Variants in RBFOX1 observed in about 807,000 individuals in gnomAD.
The protein encoded by RBFOX1 is RNA binding protein fox-1 homolog 1.
A neutral mutation model predicts 57.7 loss-of-function variants in RBFOX1; 8 were observed. That is an observed-to-expected ratio of 0.14 (90% CI 0.08 to 0.25). The LOEUF is 0.25. Among genes scored for constraint, RBFOX1 ranks in the 10% least tolerant of loss-of-function variants. The probability of loss-of-function intolerance (pLI) is 1.00; values close to 1 mark genes in which losing one functional copy is unlikely to be tolerated. For missense variants in RBFOX1, 611 were observed against 548.5 expected (o/e 1.11, Z -1.14); for synonymous variants, 326 against 222.4 (o/e 1.47, Z -4.15).
intron 3 of RBFOX1, among the ~76,000 whole-genome samples, chr16:6,983,008 A>AAG (rs2089343724): frequency 6.6e-6 from 1 of 151,108 alleles, no homozygotes; most frequent in Admixed American, 6.6e-5. Context: ...AAAAAAAAAA[A>AAG]AAAAAAAAAG....
intron 3 of RBFOX1, among the ~76,000 whole-genome samples, chr16:7,021,660 C>T (rs2039154271): frequency 6.8e-6 from 1 of 147,378 alleles, no homozygotes; most frequent in African/African-American, 2.5e-5. Flanking sequence ...ATTTTTATTT[C>T]CCTCAGCCTA....
chr16:7,056,145 C>T (rs950379074), intron 4 of RBFOX1, among the ~76,000 whole-genome samples: 1 of 152,112 alleles, frequency 6.6e-6, no homozygotes, highest in African/African-American at 2.4e-5. Flanking sequence ...CAGCTCAGCC[C>T]ACAGATGCTG....
At position 7,267,831 on chromosome 16, in the gene RBFOX1, G is replaced by T. The variant is rs555885139; in HGVS notation, c.27+215733G>T. 7.9e-5 allele frequency among the ~76,000 whole-genome samples: 12 copies of T among 152,290 alleles called. No homozygotes were observed. In the East Asian group the frequency reaches 1.5e-3, roughly 20 times the overall value. The stretch of plus-strand genomic sequence containing the variant: ...AGATTGTGCCACTGCACTCCAGCCG[G>T]GGCAACAGAGTGAGACCCTGTCTCA... On this transcript the variant is annotated intron_variant, in intron 4 of 15. Transcript: ENST00000550418.
intron 1 of RBFOX1, among the ~76,000 whole-genome samples, chr16:6,230,718 C>T (rs951957707): frequency 2.6e-5 from 4 of 152,118 alleles, no homozygotes; most frequent in South Asian, 2.1e-4. Flanking sequence ...ATATCTTATG[C>T]GGATAGCTTA....
chr16:7,479,375 C>G (rs976289687), intron 4 of RBFOX1, among the ~76,000 whole-genome samples: 1 of 152,148 alleles, frequency 6.6e-6, no homozygotes, highest in Non-Finnish European at 1.5e-5. Flanking sequence ...AGTGTATCCT[C>G]TGGCTTGGCC....
intron 1 of RBFOX1, among the ~76,000 whole-genome samples, chr16:6,210,051 C>T (rs905118467): frequency 6.6e-6 from 1 of 151,888 alleles, no homozygotes; most frequent in Non-Finnish European, 1.5e-5. Flanking sequence ...GGCATGATGG[C>T]TCATGCCTGT....
intron 1 of RBFOX1, among the ~76,000 whole-genome samples, chr16:5,298,307 CAA>C (rs2063717317): frequency 6.6e-6 from 1 of 152,158 alleles, no homozygotes; most frequent in African/African-American, 2.4e-5. Context: ...AGAGGTGTAA[CAA>C]GAGACTGTAT....
intron 4 of RBFOX1, among the ~76,000 whole-genome samples, chr16:7,120,777 C>T (rs1239594384): frequency 6.9e-6 from 1 of 144,156 alleles, no homozygotes; most frequent in Non-Finnish European, 1.5e-5. Context: ...ATGAGTCTAA[C>T]ATTAATCTGA....
At chr16:6,266,075 G>C (rs768094726) in intron 1 of RBFOX1, among the ~76,000 whole-genome samples, 2 of 152,130 alleles carry the variant, frequency 1.3e-5, no homozygotes, top group Non-Finnish European at 2.9e-5. Flanking sequence ...CTAATGAAAC[G>C]TGGGGGAAGT....
intron 1 of RBFOX1, among the ~76,000 whole-genome samples, chr16:5,361,439 C>G (rs558327015): frequency 6.6e-6 from 1 of 152,248 alleles, no homozygotes; most frequent in South Asian, 2.1e-4. Context: ...CATTTTATTT[C>G]TCTTGTAAAA....
chr16:5,531,834 C>A (rs1268199737), intron 2 of RBFOX1, among the ~76,000 whole-genome samples: 4 of 147,288 alleles, frequency 2.7e-5, no homozygotes, highest in African/African-American at 1.0e-4. Flanking sequence ...TGGAGTCTCA[C>A]TCTGTCACCC....
intron 4 of RBFOX1, chr16:5,867,382 G>C (rs1436387): frequency 0.27 from 301,120 of 1,113,086 alleles, 41,570 homozygotes; most frequent in Non-Finnish European, 0.28. Context: ...GTTTGAAGTG[G>C]GTTTCTTTTG....
At chr16:6,573,890 G>C (rs2097382471) in intron 2 of RBFOX1, 1 of 152,230 alleles carries the variant, frequency 6.6e-6, no homozygotes, top group Non-Finnish European at 1.5e-5. Context: ...GGACGTGATA[G>C]GTGTGTCTTG....
intron 1 of RBFOX1, among the ~76,000 whole-genome samples, chr16:6,293,263 G>C (rs1448109060): frequency 6.6e-6 from 1 of 151,982 alleles, no homozygotes; most frequent in Non-Finnish European, 1.5e-5. Context: ...TTGGATCAGG[G>C]GTATAAACCT....
chr16:7,458,744 A>G (rs1420203969), intron 4 of RBFOX1, among the ~76,000 whole-genome samples: 1 of 152,016 alleles, frequency 6.6e-6, no homozygotes, highest in Non-Finnish European at 1.5e-5. Context: ...ACCTTTTCAG[A>G]TAAGACCTCC....
rs548048769 is a variant in RBFOX1, at chr16:7,615,747, G to A, written c.676+8409G>A. On this transcript the variant is annotated intron_variant, in intron 10 of 15. Coordinates refer to ENST00000550418, the MANE Select transcript of RBFOX1 (RefSeq NM_018723.4). ...GTGGGGGCGGGGATTGGGGAGTGTT[G>A]TTCACTGCTGACATCTAGTGGGTGG... 2.0e-5 allele frequency among the ~76,000 whole-genome samples: 3 copies of A among 152,232 alleles called. No individual in the cohort carries two copies. In the South Asian group the frequency reaches 6.2e-4, roughly 32 times the overall value.
chr16:6,937,884 G>C (rs983376615), intron 3 of RBFOX1, among the ~76,000 whole-genome samples: 1 of 148,576 alleles, frequency 6.7e-6, no homozygotes, highest in African/African-American at 2.5e-5. Flanking sequence ...CCAAAAGGGA[G>C]ATGGGTATCA....
chr16:6,833,914 C>A (rs544735718), intron 3 of RBFOX1, among the ~76,000 whole-genome samples: 2 of 152,014 alleles, frequency 1.3e-5, no homozygotes, highest in Admixed American at 6.6e-5. Flanking sequence ...GTTGATCAAT[C>A]CACAGATGAG....
chr16:6,912,779 G>A (rs2072019306), intron 3 of RBFOX1, among the ~76,000 whole-genome samples: 1 of 151,340 alleles, frequency 6.6e-6, no homozygotes, highest in African/African-American at 2.4e-5. Flanking sequence ...CACCACACGT[G>A]CCCGCCTAAT....
Sources: allele counts gnomAD v4.1 joint callset (sites outside exome capture counted in the v4.1 genomes callset), GRCh38; gene constraint gnomAD v4.1.1; transcripts MANE v1.5; gene names NCBI Gene and HGNC (gene_info 2026-07-23, HGNC 2026-07-21).